The following R3HDM1 variants were observed in gnomAD, a reference collection of about 807,000 sequenced individuals.
R3HDM1 encodes the protein R3H domain containing 1.
A neutral mutation model predicts 141.1 loss-of-function variants in R3HDM1; 46 were observed. The observed-to-expected ratio is 0.33, with a 90% CI of 0.26 to 0.42. R3HDM1 has a LOEUF of 0.42. Among genes scored for constraint, R3HDM1 ranks in the 10% least tolerant of loss-of-function variants. The probability of loss-of-function intolerance (pLI) is 1.00; values close to 1 mark genes in which losing one functional copy is unlikely to be tolerated. For synonymous variants in R3HDM1, 435 were observed against 472.9 expected (o/e 0.92, Z 1.04); for missense variants, 1,184 against 1,368.3 (o/e 0.87, Z 2.12).
Position 135,645,465 on chromosome 2 carries a change from C to T in R3HDM1, c.1561C>T (p.Pro521Ser). Residue 521 changes from proline (P) to serine (S), a missense_variant, in exon 16 of 27, where the codon CCT (proline) becomes TCT (serine). By Grantham distance (74) the Pro-to-Ser change is moderately conservative (BLOSUM62 -1). Coordinates refer to ENST00000683871, the MANE Select transcript of R3HDM1 (RefSeq NM_001378107.1). Reference sequence around the variant, plus strand: ...ACCAGTTAGATCCCAAGTGCCTGGACCTCCACAGCCACCTCTGCCAGCCCC... The same window carrying T: ...ACCAGTTAGATCCCAAGTGCCTGGATCTCCACAGCCACCTCTGCCAGCCCC... ...QQPVRSQVPG[P>S]PQPPLPAPPQ... 2 of 1,613,990 alleles carry T rather than the reference C, an allele frequency of 1.2e-6. No individual in the cohort carries two copies. The highest frequency in any genetic ancestry group is 1.7e-6 in the Non-Finnish European group (2 of 1,179,900).
intron 1 of R3HDM1, among the ~76,000 whole-genome samples, chr2:135,574,372 G>A (rs193061898): frequency 6.6e-6 from 1 of 152,268 alleles, no homozygotes; most frequent in African/African-American, 2.4e-5. Context: ...CCCACCAAAA[G>A]GCATTAGACC....
chr2:135,614,553 C>G (rs768664080), intron 3 of R3HDM1, among the ~76,000 whole-genome samples: 2 of 152,168 alleles, frequency 1.3e-5, no homozygotes, highest in Non-Finnish European at 2.9e-5. Context: ...AGTAATTTGA[C>G]CATGGTTACC....
At chr2:135,573,458 A>C (rs935006270) in intron 1 of R3HDM1, among the ~76,000 whole-genome samples, 1 of 152,122 alleles carries the variant, frequency 6.6e-6, no homozygotes, top group African/African-American at 2.4e-5. Context: ...AAAAATGAAC[A>C]CAAAATGGAG....
intron 1 of R3HDM1, among the ~76,000 whole-genome samples, chr2:135,547,002 CT>C (rs34058961): frequency 1.3e-5 from 2 of 151,986 alleles, no homozygotes; most frequent in African/African-American, 4.8e-5. Context: ...TTATAAAAAC[CT>C]TTTTTTAAGA....
intron 21 of R3HDM1, among the ~76,000 whole-genome samples, chr2:135,698,823 T>C (rs1411721364): frequency 6.6e-6 from 1 of 151,996 alleles, no homozygotes; most frequent in East Asian, 1.9e-4. Context: ...CCAGATCTCA[T>C]GAGAACTCAC....
At chr2:135,624,091 T>C (rs891618317) in intron 7 of R3HDM1, among the ~76,000 whole-genome samples, 1 of 152,076 alleles carries the variant, frequency 6.6e-6, no homozygotes, top group Non-Finnish European at 1.5e-5. Flanking sequence ...ATGTGGCAAG[T>C]TATTCTAGAA....
At chr2:135,603,962 C>G (rs2059836739) in intron 2 of R3HDM1, among the ~76,000 whole-genome samples, 1 of 152,146 alleles carries the variant, frequency 6.6e-6, no homozygotes, top group Non-Finnish European at 1.5e-5. Context: ...CTATCTTTAG[C>G]TTAATCTCTG....
chr2:135,678,580 T>C (rs1177000479), intron 20 of R3HDM1, among the ~76,000 whole-genome samples: 1 of 151,488 alleles, frequency 6.6e-6, no homozygotes, highest in Non-Finnish European at 1.5e-5. Flanking sequence ...AAACCCCATC[T>C]CTCCTGAAAA....
intron 3 of R3HDM1, among the ~76,000 whole-genome samples, chr2:135,614,781 A>G (rs771603400): frequency 6.6e-6 from 1 of 151,758 alleles, no homozygotes; most frequent in African/African-American, 2.4e-5. Flanking sequence ...AGGTATGTGC[A>G]TTTTCATAGT....
intron 1 of R3HDM1, among the ~76,000 whole-genome samples, chr2:135,531,935 C>T (rs1183114382): frequency 2.0e-5 from 3 of 152,198 alleles, no homozygotes; most frequent in African/African-American, 2.4e-5. Flanking sequence ...CACCCGGGGG[C>T]CATGTGAAAA....
intron 7 of R3HDM1, chr2:135,622,959 A>G (rs1015313934): frequency 6.1e-6 from 6 of 981,428 alleles, no homozygotes; most frequent in African/African-American, 1.7e-5. Flanking sequence ...TTTGGGAAAT[A>G]TAGAATCACT....
Position 135,722,016 on chromosome 2 carries a change from A to T in R3HDM1, c.2964+10A>T. ...CATTCCAAACCAACAGGTAGGAAAG[A>T]CAACTAACCTCCTAGGCTTTGTTGC... On this transcript the variant is annotated intron_variant, in intron 25 of 26. Coordinates refer to ENST00000683871, the MANE Select transcript of R3HDM1 (RefSeq NM_001378107.1). 1 of 1,605,152 alleles carries T rather than the reference A, an allele frequency of 6.2e-7. No individual in the cohort carries two copies. Among genetic ancestry groups the T allele is most frequent in the Non-Finnish European group, 8.5e-7 (1 of 1,171,750 alleles).
chr2:135,641,699 G>C lies in R3HDM1; in HGVS notation c.1383G>C (p.Gly461=), dbSNP rs766146455. ...TTTCCTTTGATGGTGGCCTAAATGG[G>C]CAAGTCGCATCTCCTAGCACTAGCT... ...SSLSFDGGLN[G]QVASPSTSFF... is the part of the protein sequence containing the mutation. The change falls in exon 15 of 27, where the codon GGG becomes GGC. Residue 461 remains glycine (G), a synonymous_variant. Transcript: ENST00000683871. 5.6e-6 allele frequency: 9 copies of C among 1,613,978 alleles called. No homozygotes were observed. The Admixed American group carries it at 1.5e-4, about 27-fold the overall frequency.
intron 19 of R3HDM1, chr2:135,665,479 C>T (rs777522838): frequency 3.8e-6 from 2 of 532,608 alleles, no homozygotes; most frequent in South Asian, 2.8e-5. Context: ...CAGCTGCTTC[C>T]TGGCTTCTTT....
At chr2:135,627,343 T>A (rs1219593821) in intron 7 of R3HDM1, among the ~76,000 whole-genome samples, 1 of 152,168 alleles carries the variant, frequency 6.6e-6, no homozygotes, top group Non-Finnish European at 1.5e-5. Flanking sequence ...ATCTTTAATT[T>A]CAAGATTTTT....
chr2:135,559,125 T>C (rs560582376), intron 1 of R3HDM1: 1 of 890,850 alleles, frequency 1.1e-6, no homozygotes, highest in Non-Finnish European at 1.3e-6. Flanking sequence ...TTGTTGTTGT[T>C]GTCGGAGACA....
chr2:135,541,839 C>A (rs1697600002), intron 1 of R3HDM1, among the ~76,000 whole-genome samples: 1 of 137,044 alleles, frequency 7.3e-6, no homozygotes, highest in Admixed American at 7.5e-5. Context: ...TTGCCACAAA[C>A]CTTCAATTTG....
chr2:135,632,887 C>A (rs954683389), intron 9 of R3HDM1, among the ~76,000 whole-genome samples: 2 of 152,120 alleles, frequency 1.3e-5, no homozygotes, highest in Non-Finnish European at 2.9e-5. Flanking sequence ...AGGTTCTTAT[C>A]TATGAATGAT....
rs892878535 is a variant in R3HDM1, at chr2:135,649,920, T to C, written c.1642T>C (p.Ser548Pro). 51 of 1,285,656 alleles carry C rather than the reference T, an allele frequency of 4.0e-5. No individual in the cohort carries two copies. In the African/African-American group the frequency reaches 7.2e-4, roughly 18 times the overall value. The allele number at this position is 1,285,656 out of a possible 1,614,324, so 79.6% of individuals were successfully genotyped here. A position where few individuals can be genotyped will look rare whatever the true frequency, so the allele number is the denominator to read the frequency against. The change falls in exon 17 of 27, where the codon TCC becomes CCC. Residue 548 changes from serine (S) to proline (P), a missense_variant. By Grantham distance (74) the Ser-to-Pro change is moderately conservative (BLOSUM62 -1). Coordinates refer to ENST00000683871, the MANE Select transcript of R3HDM1 (RefSeq NM_001378107.1). The stretch of plus-strand genomic sequence containing the variant: ...TCTTTAGCCTGTTCATCCTCTGCAG[T>C]CCTCTTCACAGCCTGTTCAGTACTC... ...IFSQPVHPLQ[S>P]SSQPVQYSTA... is the part of the protein sequence containing the mutation.
Sources: allele counts gnomAD v4.1 joint callset (sites outside exome capture counted in the v4.1 genomes callset), GRCh38; gene constraint gnomAD v4.1.1; transcripts MANE v1.5; gene names NCBI Gene and HGNC (gene_info 2026-07-23, HGNC 2026-07-21).